The following GALNT17 variants were observed in gnomAD, a reference collection of about 807,000 sequenced individuals.
GALNT17 encodes UDP-GalNAc:polypeptide N-acetylgalactosaminyltransferase-like 3.
In GALNT17, 29 loss-of-function variants were observed where a neutral mutation model predicts 63.7. The observed-to-expected ratio is 0.46, with a 90% CI of 0.34 to 0.62. The LOEUF (loss-of-function observed/expected upper bound fraction) is 0.62, where lower values mean the gene tolerates loss of function less well. GALNT17 is among the 20% of genes least tolerant of loss of function. GALNT17 has a pLI of 0.01. For synonymous variants in GALNT17, 305 were observed against 318.3 expected, an observed-to-expected ratio of 0.96 and a Z score of 0.45; for missense variants, 603 against 799.6, an observed-to-expected ratio of 0.75 and a Z score of 2.97.
chr7:71,708,098 A>G (rs568548858), intron 9 of GALNT17, among the ~76,000 whole-genome samples: 4 of 152,300 alleles, frequency 2.6e-5, no homozygotes, highest in African/African-American at 9.6e-5. Flanking sequence ...TTTCATTATT[A>G]TAAATTCTGT....
chr7:71,217,621 A>T (rs1050843924), intron 1 of GALNT17, among the ~76,000 whole-genome samples: 1 of 151,984 alleles, frequency 6.6e-6, no homozygotes, highest in African/African-American at 2.4e-5. Flanking sequence ...AGTCATGTAC[A>T]TAGTCGTTGT....
chr7:71,674,018 C>T (rs1024447494), intron 8 of GALNT17, among the ~76,000 whole-genome samples: 2 of 152,136 alleles, frequency 1.3e-5, no homozygotes, highest in Admixed American at 6.5e-5. Flanking sequence ...TCCCTTGAGC[C>T]GTACAGTGGG....
At chr7:71,380,921 C>T (rs1031546502) in intron 2 of GALNT17, among the ~76,000 whole-genome samples, 2 of 150,358 alleles carry the variant, frequency 1.3e-5, no homozygotes, top group African/African-American at 2.4e-5. Context: ...GGCCCCACCT[C>T]CAGGGATTCT....
intron 6 of GALNT17, among the ~76,000 whole-genome samples, chr7:71,647,349 A>T (rs772823372): frequency 3.3e-5 from 5 of 151,992 alleles, no homozygotes; most frequent in Admixed American, 3.3e-4. Flanking sequence ...GACCTGAGGC[A>T]TAAGCCACCA....
chr7:71,621,485 G>T (rs1457250220), intron 6 of GALNT17, among the ~76,000 whole-genome samples: 3 of 139,504 alleles, frequency 2.2e-5, no homozygotes, highest in Admixed American at 1.5e-4. Context: ...ATGGATGAAT[G>T]GATGGATTGA....
intron 6 of GALNT17, among the ~76,000 whole-genome samples, chr7:71,655,445 C>T (rs1467917513): frequency 6.6e-6 from 1 of 152,118 alleles, no homozygotes; most frequent in Non-Finnish European, 1.5e-5. Flanking sequence ...CAGATGATTC[C>T]TCAAGAAAGT....
At chr7:71,414,755 A>G (rs1329808426) in intron 3 of GALNT17, among the ~76,000 whole-genome samples, 1 of 152,138 alleles carries the variant, frequency 6.6e-6, no homozygotes, top group Non-Finnish European at 1.5e-5. Context: ...CATTCAGAAT[A>G]TTCTCCCTGA....
At chr7:71,337,974 C>A (rs901187372) in intron 2 of GALNT17, among the ~76,000 whole-genome samples, 3 of 152,096 alleles carry the variant, frequency 2.0e-5, no homozygotes, top group East Asian at 1.9e-4. Flanking sequence ...TCGCTTTGGG[C>A]AGATCGCTTG....
chr7:71,547,498 C>T (rs568458994), intron 5 of GALNT17, among the ~76,000 whole-genome samples: 8 of 152,068 alleles, frequency 5.3e-5, no homozygotes, highest in African/African-American at 9.6e-5. Flanking sequence ...GTTGGCCAGG[C>T]GGGTCTGGAA....
chr7:71,572,265 A>G (rs950725688), intron 6 of GALNT17, among the ~76,000 whole-genome samples: 13 of 151,314 alleles, frequency 8.6e-5, no homozygotes, highest in Admixed American at 7.9e-4. Flanking sequence ...GACTTCGGAA[A>G]CCAAATCAGG....
At chr7:71,559,861 A>G (rs765187218) in intron 5 of GALNT17, among the ~76,000 whole-genome samples, 17 of 150,302 alleles carry the variant, frequency 1.1e-4, no homozygotes, top group Admixed American at 4.7e-4. Context: ...TTTCTGTCTT[A>G]TGTATTAAAA....
intron 9 of GALNT17, among the ~76,000 whole-genome samples, chr7:71,686,246 C>T (rs867304766): frequency 3.9e-5 from 6 of 152,124 alleles, no homozygotes; most frequent in Non-Finnish European, 2.9e-5. Flanking sequence ...TAAGCCACGG[C>T]GCCCAGCCTG....
intron 6 of GALNT17, among the ~76,000 whole-genome samples, chr7:71,622,210 C>T (rs1790304545): frequency 6.6e-6 from 1 of 152,238 alleles, no homozygotes; most frequent in Non-Finnish European, 1.5e-5. Flanking sequence ...CATGGCGGCT[C>T]TGCCATTGGG....
intron 5 of GALNT17, among the ~76,000 whole-genome samples, chr7:71,557,085 G>T (rs62459956): frequency 0.29 from 43,312 of 148,286 alleles, 6,514 homozygotes; most frequent in Admixed American, 0.32. Flanking sequence ...GAGAGATAGG[G>T]TCTCTCTATG....
intron 1 of GALNT17, among the ~76,000 whole-genome samples, chr7:71,330,247 A>T (rs1367201645): frequency 1.3e-5 from 2 of 152,102 alleles, no homozygotes; most frequent in Non-Finnish European, 2.9e-5. Flanking sequence ...TCCTGACTTC[A>T]AGTGATCCGC....
At chr7:71,701,873 ATATATATG>A in intron 9 of GALNT17, among the ~76,000 whole-genome samples, 1 of 81,062 alleles carries the variant, frequency 1.2e-5, no homozygotes, top group Non-Finnish European at 2.7e-5. Flanking sequence ...ATATATACAT[ATATATATG>A]TATATATATA....
intron 6 of GALNT17, among the ~76,000 whole-genome samples, chr7:71,617,408 A>T (rs1421525841): frequency 2.0e-4 from 29 of 146,908 alleles, no homozygotes; most frequent in Non-Finnish European, 2.2e-4. Flanking sequence ...TGCAACTTCC[A>T]CTTCCTAGGT....
intron 6 of GALNT17, among the ~76,000 whole-genome samples, chr7:71,610,072 CAT>C (rs1286266509): frequency 6.6e-6 from 1 of 152,018 alleles, no homozygotes; most frequent in Non-Finnish European, 1.5e-5. Flanking sequence ...GCAAAATTTT[CAT>C]AGACCTTAAA....
chr7:71,478,200 A>C (rs771895772), intron 5 of GALNT17, among the ~76,000 whole-genome samples: 3 of 152,128 alleles, frequency 2.0e-5, no homozygotes, highest in African/African-American at 4.8e-5. Context: ...ATAAAGGCAC[A>C]CTGGCTGTGG....
Sources: gnomAD v4.1 joint callset for allele counts (sites outside exome capture counted in the v4.1 genomes callset) on GRCh38, gnomAD v4.1.1 for gene constraint, MANE v1.5 for transcripts, NCBI Gene and HGNC (gene_info 2026-07-23, HGNC 2026-07-21) for gene names.